OSBPL1A: variants seen among roughly 807,000 people sequenced by gnomAD.
OSBPL1A encodes oxysterol binding protein like 1A.
Under a neutral mutation model 137.1 loss-of-function variants are expected in OSBPL1A, and 80 were observed. The observed-to-expected ratio is 0.58, with a 90% confidence interval of 0.49 to 0.70. The LOEUF (loss-of-function observed/expected upper bound fraction) is 0.70, where lower values mean the gene tolerates loss of function less well. Among genes scored for constraint, OSBPL1A ranks in the 30% least tolerant of loss-of-function variants. The pLI is 0.00. For synonymous variants in OSBPL1A, 365 were observed against 389.7 expected, an observed-to-expected ratio of 0.94 and a Z score of 0.75; for missense variants, 970 against 1,129.4, an observed-to-expected ratio of 0.86 and a Z score of 2.02.
chr18:24,299,884 T>G (rs1228625935), intron 14 of OSBPL1A, among the ~76,000 whole-genome samples: 3 of 152,188 alleles, frequency 2.0e-5, no homozygotes, highest in African/African-American at 4.8e-5. Context: ...TATTCATACA[T>G]TTTCACCCAC....
At chr18:24,299,658 A>G (rs117253173) in intron 14 of OSBPL1A, among the ~76,000 whole-genome samples, 7,649 of 152,250 alleles carry the variant, frequency 0.05, 272 homozygotes, top group Non-Finnish European at 0.076. Context: ...TAAAGTCAAC[A>G]TGAAGGAAAG....
intron 7 of OSBPL1A, 135 bp from the exon 8 acceptor site, chr18:24,318,944 C>T (rs532690218): frequency 1.3e-6 from 1 of 749,112 alleles, no homozygotes; most frequent in Non-Finnish European, 2.2e-6. Flanking sequence ...AAATTACCTA[C>T]CAGAGAGAGG....
At chr18:24,360,680 G>A (rs2091608245) in intron 4 of OSBPL1A, among the ~76,000 whole-genome samples, 1 of 152,188 alleles carries the variant, frequency 6.6e-6, no homozygotes, top group African/African-American at 2.4e-5. Flanking sequence ...GGGGGCCAAT[G>A]TCTGTTGGAG....
intron 4 of OSBPL1A, among the ~76,000 whole-genome samples, chr18:24,350,995 C>T (rs942772929): frequency 3.9e-5 from 6 of 151,956 alleles, no homozygotes; most frequent in African/African-American, 1.5e-4. Flanking sequence ...ACATAAGCTC[C>T]AGAATGACCA....
At chr18:24,317,433 G>A in intron 9 of OSBPL1A, 33 bp from the exon 10 acceptor site, 1 of 1,507,140 alleles carries the variant, frequency 6.6e-7, no homozygotes, top group Non-Finnish European at 9.2e-7. Context: ...TTCCCAAGCT[G>A]ACACATCTAG....
chr18:24,386,523 A>G (rs1906972456), intron 1 of OSBPL1A, among the ~76,000 whole-genome samples: 1 of 152,222 alleles, frequency 6.6e-6, no homozygotes, highest in African/African-American at 2.4e-5. Flanking sequence ...CAAACAAGCA[A>G]TACCTAGAGG....
At chr18:24,221,909 C>T (rs1323522820) in intron 17 of OSBPL1A, among the ~76,000 whole-genome samples, 1 of 152,124 alleles carries the variant, frequency 6.6e-6, no homozygotes, top group Non-Finnish European at 1.5e-5. Context: ...TAATGGTCCA[C>T]GGAAATTTAA....
chr18:24,381,538 T>C (rs1906588028), intron 1 of OSBPL1A, among the ~76,000 whole-genome samples: 1 of 152,236 alleles, frequency 6.6e-6, no homozygotes, highest in Admixed American at 6.5e-5. Context: ...GTGATTGTAA[T>C]GCCCTTTCTT....
chr18:24,300,692 A>G (rs950398757), intron 14 of OSBPL1A, among the ~76,000 whole-genome samples: 1 of 152,350 alleles, frequency 6.6e-6, no homozygotes, highest in Admixed American at 6.5e-5. Context: ...TTGTACTAAA[A>G]TGTAAGTCAA....
chr18:24,380,625 G>A (rs777322153), intron 1 of OSBPL1A, among the ~76,000 whole-genome samples: 1 of 152,206 alleles, frequency 6.6e-6, no homozygotes, highest in Non-Finnish European at 1.5e-5. Context: ...TCCAGTGCTC[G>A]CACAAGGCCT....
At chr18:24,223,790 T>C (rs1879406596) in intron 17 of OSBPL1A, among the ~76,000 whole-genome samples, 1 of 152,176 alleles carries the variant, frequency 6.6e-6, no homozygotes, top group Admixed American at 6.5e-5. Flanking sequence ...CTTTTTCTGA[T>C]ATTAATAATA....
chr18:24,264,115 A>G (rs2089510619), intron 15 of OSBPL1A, among the ~76,000 whole-genome samples: 1 of 152,218 alleles, frequency 6.6e-6, no homozygotes, highest in Non-Finnish European at 1.5e-5. Flanking sequence ...ACAGTTCCCA[A>G]TAGGGATTGA....
chr18:24,246,516 T>G (rs765830942), intron 15 of OSBPL1A, among the ~76,000 whole-genome samples: 18 of 151,628 alleles, frequency 1.2e-4, no homozygotes, highest in Non-Finnish European at 2.5e-4. Flanking sequence ...CCCAGGTGGG[T>G]GCAGTGGCTC....
At chr18:24,232,581 T>C (rs1205113120) in intron 16 of OSBPL1A, among the ~76,000 whole-genome samples, 2 of 152,244 alleles carry the variant, frequency 1.3e-5, no homozygotes, top group Admixed American at 6.5e-5. Flanking sequence ...TGGATCTATT[T>C]TGGGCTACCA....
At chr18:24,310,597 G>T (rs1305682820) in intron 13 of OSBPL1A, among the ~76,000 whole-genome samples, 5 of 115,128 alleles carry the variant, frequency 4.3e-5, no homozygotes, top group Non-Finnish European at 8.3e-5. Context: ...GCAAGACTCC[G>T]TCTCAAAAAA....
At position 24,224,510 on chromosome 18, in the gene OSBPL1A, C is replaced by A. The variant is rs550551797; in HGVS notation, c.1601+532G>T. Among the ~76,000 whole-genome samples the A allele has an allele frequency of 6.6e-5, 10 of 152,176 alleles. 1 individual carries two copies. The South Asian group carries it at 2.1e-3, about 32-fold the overall frequency. Reference sequence around the variant, plus strand: ...CATTAATTCGGGACAATCTCTAGGACCAAGCCATTAAGGGGATAAAAACAT... The same window carrying A: ...CATTAATTCGGGACAATCTCTAGGAACAAGCCATTAAGGGGATAAAAACAT... On this transcript the variant is annotated intron_variant, in intron 17 of 27. Transcript: ENST00000319481.
At chr18:24,168,311 G>A (rs139235212) in intron 24 of OSBPL1A, among the ~76,000 whole-genome samples, 59 of 152,206 alleles carry the variant, frequency 3.9e-4, no homozygotes, top group African/African-American at 1.4e-3. Flanking sequence ...CCTGACTTTC[G>A]TGGAGCTCAC....
At chr18:24,342,906 TG>T (rs2091294483) in intron 4 of OSBPL1A, among the ~76,000 whole-genome samples, 1 of 152,014 alleles carries the variant, frequency 6.6e-6, no homozygotes, top group African/African-American at 2.4e-5. Context: ...AACAGGAAAA[TG>T]GTTTTTTAAA....
At chr18:24,187,617 C>T (rs2086784842) in intron 18 of OSBPL1A, among the ~76,000 whole-genome samples, 1 of 152,158 alleles carries the variant, frequency 6.6e-6, no homozygotes, top group South Asian at 2.1e-4. Flanking sequence ...TGCCAGGCAT[C>T]TGTTAAGTGA....
Sources: gnomAD v4.1 joint callset for allele counts (sites outside exome capture counted in the v4.1 genomes callset) on GRCh38, gnomAD v4.1.1 for gene constraint, MANE v1.5 for transcripts, NCBI Gene and HGNC (gene_info 2026-07-23, HGNC 2026-07-21) for gene names.